Variants in PREX1 observed in about 807,000 individuals in gnomAD.
PREX1 encodes the protein phosphatidylinositol 3,4,5-trisphosphate-dependent Rac exchanger 1 protein.
In PREX1, 41 loss-of-function variants were observed where a neutral mutation model predicts 198.3. That is an observed-to-expected ratio of 0.21 (90% confidence interval 0.16 to 0.27). The LOEUF is 0.27. Among genes scored for constraint, PREX1 ranks in the 10% least tolerant of loss-of-function variants. The pLI is 1.00. For synonymous variants in PREX1, 843 were observed against 887.2 expected (o/e 0.95, Z 0.89); for missense variants, 1,620 against 2,200.7 (o/e 0.74, Z 5.28).
chr20:48,642,617 C>T (rs2089423165), intron 27 of PREX1, 128 bp from the exon 28 acceptor site: 1 of 810,540 alleles, frequency 1.2e-6, no homozygotes, highest in African/African-American at 1.7e-5. Context: ...GTCTGAAGAC[C>T]AGGTCCTGGC....
chr20:48,648,253 C>T (rs1372095166), intron 25 of PREX1, among the ~76,000 whole-genome samples: 1 of 152,214 alleles, frequency 6.6e-6, no homozygotes, highest in East Asian at 1.9e-4. Flanking sequence ...AATTCCACCA[C>T]ACCTACTTCC....
chr20:48,637,493 C>T (rs1225067689), intron 31 of PREX1, among the ~76,000 whole-genome samples: 2 of 152,254 alleles, frequency 1.3e-5, no homozygotes, highest in Non-Finnish European at 2.9e-5. Context: ...AACATCCACC[C>T]AGGCCTGGGC....
intron 12 of PREX1, 103 bp from the exon 13 acceptor site, chr20:48,679,512 G>C (rs2089733576): frequency 2.1e-6 from 3 of 1,403,098 alleles, no homozygotes; most frequent in Non-Finnish European, 3.0e-6. Flanking sequence ...GGGCAGGGCA[G>C]GGTAATGGGG....
intron 3 of PREX1, among the ~76,000 whole-genome samples, chr20:48,741,364 G>A (rs1198686816): frequency 3.3e-5 from 5 of 151,400 alleles, no homozygotes; most frequent in Non-Finnish European, 7.4e-5. Context: ...TTTTTGTTTT[G>A]TTTTGTTTGT....
At chr20:48,762,589 G>T (rs1468187125) in intron 1 of PREX1, among the ~76,000 whole-genome samples, 3 of 152,012 alleles carry the variant, frequency 2.0e-5, no homozygotes, top group Non-Finnish European at 4.4e-5. Context: ...TCAAATCCTG[G>T]TTCGGTCATT....
chr20:48,862,807 A>ATATATGTGTGTGTG, the PREX1 span, among the ~76,000 whole-genome samples: 1 of 126,712 alleles, frequency 7.9e-6, no homozygotes, highest in Non-Finnish European at 1.6e-5. Flanking sequence ...ATATATATAT[A>ATATATGTGTGTGTG]TATATACTAA....
At chr20:48,628,875 G>C (rs952813922) in intron 37 of PREX1, among the ~76,000 whole-genome samples, 4 of 152,210 alleles carry the variant, frequency 2.6e-5, no homozygotes, top group African/African-American at 9.7e-5. Context: ...GAACAAAAGG[G>C]GCCCCTGCCC....
At chr20:48,658,409 C>T (rs2089562447) in intron 16 of PREX1, among the ~76,000 whole-genome samples, 181 bp from the exon 17 acceptor site, 1 of 152,256 alleles carries the variant, frequency 6.6e-6, no homozygotes, top group South Asian at 2.1e-4. Context: ...TCACTCTGTG[C>T]CTGCCACTGG....
intron 1 of PREX1, among the ~76,000 whole-genome samples, chr20:48,796,517 C>T (rs995936332): frequency 2.0e-5 from 3 of 152,026 alleles, no homozygotes; most frequent in Admixed American, 2.0e-4. Flanking sequence ...CCAGTGGCTG[C>T]CTCTGGGGAG....
At chr20:48,651,614 G>T (rs1412695507) in intron 21 of PREX1, 31 bp from the exon 22 acceptor site, 3 of 1,592,032 alleles carry the variant, frequency 1.9e-6, no homozygotes, top group Admixed American at 3.4e-5. Context: ...CATCTGAGCA[G>T]AGATCAGAGG....
intron 2 of PREX1, among the ~76,000 whole-genome samples, chr20:48,747,385 C>A (rs887536633): frequency 6.6e-6 from 1 of 152,236 alleles, no homozygotes; most frequent in Non-Finnish European, 1.5e-5. Flanking sequence ...CTCATCAGCC[C>A]TGCCTGGACA....
chr20:48,755,298 T>G lies in PREX1; in HGVS notation c.220-7418A>C, dbSNP rs569119694. Among the ~76,000 whole-genome samples the G allele has an allele frequency of 1.1e-4, 16 of 152,358 alleles. 1 individual carries two copies. The highest frequency in any genetic ancestry group is 3.4e-4 in the African/African-American group (14 of 41,592). On this transcript the variant is annotated intron_variant, in intron 1 of 39. Coordinates refer to ENST00000371941, the MANE Select transcript of PREX1 (RefSeq NM_020820.4). ...GAAGTATGGAAGGAAATACCCATAC[T>G]ACAAGAAACTATGTAGGAATGTGGC...
At chr20:48,729,428 ATC>A (rs752179180) in intron 4 of PREX1, among the ~76,000 whole-genome samples, 21 of 151,916 alleles carry the variant, frequency 1.4e-4, no homozygotes, top group Non-Finnish European at 1.9e-4. Flanking sequence ...ACTCAGGTTT[ATC>A]TCTCTAGCCC....
At chr20:48,880,981 TAAAA>T in the PREX1 span, among the ~76,000 whole-genome samples, 18 of 20,966 alleles carry the variant, frequency 8.6e-4, no homozygotes, top group African/African-American at 2.1e-3. Context: ...AAACCATTGC[TAAAA>T]AAAAAAAAAA....
intron 4 of PREX1, among the ~76,000 whole-genome samples, chr20:48,729,127 G>C: frequency 6.6e-6 from 1 of 151,872 alleles, no homozygotes; most frequent in Non-Finnish European, 1.5e-5. Flanking sequence ...GCCCAGGCTG[G>C]AGTGCAGTGT....
chr20:48,814,560 G>T (rs942077154), intron 1 of PREX1, among the ~76,000 whole-genome samples: 2 of 152,186 alleles, frequency 1.3e-5, no homozygotes, highest in African/African-American at 2.4e-5. Context: ...TGCAAGAATA[G>T]AAAGAAATGT....
rs1425694574 is a variant in PREX1 at position 48,649,469 on chromosome 20, G to A, written c.3136C>T (p.His1046Tyr). The A allele has an allele frequency of 1.2e-6, 2 of 1,614,152 alleles. No homozygotes were observed. The highest frequency in any genetic ancestry group is 1.1e-5 in the South Asian group (1 of 91,084). The part of the protein sequence containing the change: ...AEGDPQGQGL[H>Y]DGSFGPASGT... ...CTGGCTGGCCCGAAGCTGCCATCATGGAGACCCTGGCCTTGGGGATCACCC... is the reference window on the plus strand; with the variant it reads ...CTGGCTGGCCCGAAGCTGCCATCATAGAGACCCTGGCCTTGGGGATCACCC... Residue 1046 changes from histidine (H) to tyrosine (Y), a missense_variant, in exon 25 of 40, where the codon CAT becomes TAT. Transcript: ENST00000371941.
chr20:48,681,396 G>A, intron 10 of PREX1, 61 bp from the exon 11 acceptor site: 1 of 1,533,672 alleles, frequency 6.5e-7, no homozygotes, highest in Non-Finnish European at 9.0e-7. Flanking sequence ...ACAGGAATCA[G>A]CACTAAGCTG....
At chr20:48,856,090 G>A in the PREX1 span, among the ~76,000 whole-genome samples, 1 of 152,246 alleles carries the variant, frequency 6.6e-6, no homozygotes. Flanking sequence ...TGTACCTGGG[G>A]AAAGAGTATT....
Sources: gnomAD v4.1 joint callset for allele counts (sites outside exome capture counted in the v4.1 genomes callset) on GRCh38, gnomAD v4.1.1 for gene constraint, MANE v1.5 for transcripts, NCBI Gene and HGNC (gene_info 2026-07-23, HGNC 2026-07-21) for gene names.